ASPH: variants seen among roughly 807,000 people sequenced by gnomAD.
ASPH encodes the protein aspartate beta-hydroxylase.
ASPH carries 100 observed loss-of-function variants against 118.4 expected under a neutral mutation model. The observed-to-expected ratio is 0.84, with a 90% CI of 0.72 to 1.00. The LOEUF is 1.00. ASPH is among the 50% of genes least tolerant of loss of function. The probability of loss-of-function intolerance (pLI) is 0.00; values close to 1 mark genes in which losing one functional copy is unlikely to be tolerated. For synonymous variants in ASPH, 315 were observed against 325.6 expected (o/e 0.97, Z 0.35); for missense variants, 920 against 919.5 (o/e 1.00, Z -0.01).
rs769099285 is a variant in ASPH at position 61,684,158 on chromosome 8, C to T, written c.134G>A (p.Arg45Lys). The change falls in exon 2 of 25, where the codon AGG becomes AAG. Residue 45 changes from arginine (R) to lysine (K), a missense_variant. Physicochemically the swap from Arg to Lys is conservative, Grantham distance 26. Transcript: ENST00000379454. ...ETKHGGHKNG[R>K]KGGLSGTSFF... ...TGAAGTTCCTGAGAGTCCGCCTTTC[C>T]TCCCATTCTTGTGTCCTCCATGCTT... 4 of 1,613,318 alleles carry T rather than the reference C, an allele frequency of 2.5e-6. No homozygotes were observed. The South Asian group carries it at 4.4e-5, about 18-fold the overall frequency.
intron 14 of ASPH, among the ~76,000 whole-genome samples, chr8:61,599,339 A>G (rs1297241279): frequency 1.3e-5 from 2 of 152,168 alleles, no homozygotes; most frequent in African/African-American, 4.8e-5. Context: ...GGGAGTGAGG[A>G]GGGATAGCAT....
At position 61,682,523 on chromosome 8, in the gene ASPH, T is replaced by C. The variant is rs1828621541; in HGVS notation, c.254-1487A>G. 5 of 1,568,224 alleles carry C rather than the reference T, an allele frequency of 3.2e-6. No individual in the cohort carries two copies. The South Asian group carries it at 5.5e-5, about 17-fold the overall frequency. ...AAACATGAAAACTGTTATTTGTGCT[T>C]AAAGGTACAAATACTTAAAGTGTCC... On this transcript the variant is annotated intron_variant, in intron 2 of 24. Coordinates refer to ENST00000379454, the MANE Select transcript of ASPH (RefSeq NM_004318.4).
chr8:61,567,090 GAGA>G, intron 17 of ASPH, 75 bp downstream of exon 17: 1 of 1,485,234 alleles, frequency 6.7e-7, no homozygotes, highest in Non-Finnish European at 9.1e-7. Flanking sequence ...ATTCTTCTAA[GAGA>G]AGAATACACT....
chr8:61,683,903 C>T (rs988372819), intron 2 of ASPH, 136 bp downstream of exon 2: 8 of 1,010,192 alleles, frequency 7.9e-6, no homozygotes, highest in Non-Finnish European at 1.1e-5. Flanking sequence ...TATCCCCTTT[C>T]AGCCTCACTC....
chr8:61,664,785 G>T, intron 3 of ASPH: 1 of 987,304 alleles, frequency 1.0e-6, no homozygotes, highest in Non-Finnish European at 1.2e-6. Context: ...CATGAGCCTG[G>T]GGAGGTGTCC....
intron 6 of ASPH, among the ~76,000 whole-genome samples, chr8:61,645,014 T>C (rs1367409253): frequency 6.6e-6 from 1 of 152,172 alleles, no homozygotes; most frequent in African/African-American, 2.4e-5. Flanking sequence ...ACAGCAACTA[T>C]GGATGGGAAC....
At position 61,712,960 on chromosome 8, in the gene ASPH, C is replaced by G. The variant is rs111358369; in HGVS notation, c.103+1309G>C. ...AGGCACAATGAGAAGAACCCATTCT[C>G]ATTTAGGGATGTTAAAAAAGAGTAG... On this transcript the variant is annotated intron_variant, in intron 1 of 24. Coordinates refer to ENST00000379454, the MANE Select transcript of ASPH (RefSeq NM_004318.4). Among the ~76,000 whole-genome samples the G allele has an allele frequency of 2.6e-4, 40 of 152,344 alleles. 1 individual carries two copies. The highest frequency in any genetic ancestry group is 9.4e-4 in the African/African-American group (39 of 41,574).
chr8:61,538,285 T>C (rs551695464), intron 21 of ASPH, among the ~76,000 whole-genome samples: 2 of 152,330 alleles, frequency 1.3e-5, no homozygotes, highest in South Asian at 2.1e-4. Flanking sequence ...CACACTCCAA[T>C]TGTTGTTTTG....
At chr8:61,621,585 T>A (rs1850948812) in intron 13 of ASPH, among the ~76,000 whole-genome samples, 1 of 152,204 alleles carries the variant, frequency 6.6e-6, no homozygotes, top group Non-Finnish European at 1.5e-5. Context: ...ATACAGGCAT[T>A]GTTCTAAGCA....
intron 1 of ASPH, chr8:61,689,531 T>C (rs988602508): frequency 2.7e-6 from 2 of 744,328 alleles, no homozygotes; most frequent in African/African-American, 3.6e-5. Flanking sequence ...AGTCAGTATC[T>C]CCAGGAGTTC....
At chr8:61,628,323 C>CTTTTTTTTTTTTTTTTTTTTTTTT (rs398008041) in intron 13 of ASPH, 1 of 178,002 alleles carries the variant, frequency 5.6e-6, no homozygotes, top group African/African-American at 5.7e-5. Context: ...CCAAGCCCGG[C>CTTTTTTTTTTTTTTTTTTTTTTTT]TTTTTTTTTT....
chr8:61,676,190 T>C (rs1467937361), intron 3 of ASPH: 5 of 1,599,138 alleles, frequency 3.1e-6, no homozygotes, highest in Non-Finnish European at 4.2e-6. Context: ...TTCTAGCATT[T>C]CAAAAGGAGT....
intron 15 of ASPH, among the ~76,000 whole-genome samples, chr8:61,580,324 A>T (rs1837087414): frequency 6.6e-6 from 1 of 152,178 alleles, no homozygotes; most frequent in Non-Finnish European, 1.5e-5. Flanking sequence ...CTGCCCTAGC[A>T]GAGGTTCTCC....
At chr8:61,657,700 A>C (rs1468899697) in intron 3 of ASPH, 3 of 152,208 alleles carry the variant, frequency 2.0e-5, no homozygotes, top group Non-Finnish European at 4.4e-5. Flanking sequence ...TGTGCATATC[A>C]GAAAGGCCCT....
chr8:61,690,969 A>C (rs1043638295), intron 1 of ASPH, among the ~76,000 whole-genome samples: 2 of 152,198 alleles, frequency 1.3e-5, no homozygotes, highest in African/African-American at 4.8e-5. Context: ...GTTAACTACA[A>C]TATTAAATTA....
At chr8:61,562,573 G>A (rs1830380903) in intron 18 of ASPH, among the ~76,000 whole-genome samples, 171 bp downstream of exon 18, 1 of 152,100 alleles carries the variant, frequency 6.6e-6, no homozygotes, top group Non-Finnish European at 1.5e-5. Context: ...AAAATCTTCT[G>A]ATCTAGGAAG....
At chr8:61,705,449 C>T (rs1018337846) in intron 1 of ASPH, among the ~76,000 whole-genome samples, 4 of 151,822 alleles carry the variant, frequency 2.6e-5, no homozygotes, top group African/African-American at 9.7e-5. Flanking sequence ...TACTATTTGA[C>T]AATAAAAAGG....
intron 1 of ASPH, among the ~76,000 whole-genome samples, chr8:61,705,470 C>T (rs774846115): frequency 5.9e-5 from 9 of 151,976 alleles, no homozygotes; most frequent in Non-Finnish European, 1.0e-4. Flanking sequence ...AACAAGTGAC[C>T]GTGTACACAA....
chr8:61,542,670 C>T (rs1338420187), intron 21 of ASPH, among the ~76,000 whole-genome samples: 28 of 152,134 alleles, frequency 1.8e-4, no homozygotes, highest in Admixed American at 1.8e-3. Context: ...TTTATGTTTA[C>T]CCACTATCTT....
Sources: gnomAD v4.1 joint callset for allele counts (sites outside exome capture counted in the v4.1 genomes callset) on GRCh38, gnomAD v4.1.1 for gene constraint, MANE v1.5 for transcripts, NCBI Gene and HGNC (gene_info 2026-07-23, HGNC 2026-07-21) for gene names.